The following CLEC19A variants were observed in gnomAD, a reference collection of about 807,000 sequenced individuals.
CLEC19A encodes the protein C-type lectin domain containing 19A, also known as C-type lectin domain family 19 member A.
In CLEC19A, 21 loss-of-function variants were observed where a neutral mutation model predicts 26.1. The observed-to-expected ratio is 0.80, with a 90% CI of 0.57 to 1.16. The LOEUF (loss-of-function observed/expected upper bound fraction) is 1.16, where lower values mean the gene tolerates loss of function less well. CLEC19A is among the 50% of genes most tolerant of loss of function. CLEC19A has a pLI of 0.00. For missense variants in CLEC19A, 224 were observed against 227.6 expected (o/e 0.98, Z 0.10); for synonymous variants, 89 against 88.6 (o/e 1.00, Z -0.03).
At chr16:19,303,328 T>C (rs1897874601) in intron 2 of CLEC19A, among the ~76,000 whole-genome samples, 1 of 152,232 alleles carries the variant, frequency 6.6e-6, no homozygotes, top group African/African-American at 2.4e-5. Flanking sequence ...TACCCATTCA[T>C]CCATTTGTCT....
intron 3 of CLEC19A, among the ~76,000 whole-genome samples, chr16:19,304,602 G>A (rs1241790907): frequency 6.6e-6 from 1 of 152,036 alleles, no homozygotes; most frequent in Non-Finnish European, 1.5e-5. Flanking sequence ...TCAGGAGGCT[G>A]AGGCAGGAGA....
chr16:19,310,741 T>C lies in CLEC19A; in HGVS notation c.*1658T>C, dbSNP rs179232. The C allele has an allele frequency of 0.41, 62,015 of 151,992 alleles. 14,387 individuals are homozygous for C. The highest frequency in any genetic ancestry group is 0.76 in the East Asian group (3,916 of 5,172). The allele number at this position is 151,992 out of a possible 1,614,324, so 9.4% of individuals were successfully genotyped here. A position where few individuals can be genotyped will look rare whatever the true frequency, so the allele number is the denominator to read the frequency against. On this transcript the variant is annotated 3_prime_UTR_variant, in exon 5 of 5. Coordinates refer to ENST00000636231, the MANE Select transcript of CLEC19A (RefSeq NM_001256720.2). ...GAAATATCCAGAATAGGCAAGTCTA[T>C]AGAGATGGAAAGTGGATTAGTGGTT... is the stretch of plus-strand genomic sequence containing the variant.
intron 4 of CLEC19A, among the ~76,000 whole-genome samples, chr16:19,308,091 A>C (rs1897994766): frequency 6.6e-6 from 1 of 152,208 alleles, no homozygotes; most frequent in African/African-American, 2.4e-5. Flanking sequence ...GGTAGTGAGA[A>C]GAGTATAGAC....
intron 3 of CLEC19A, chr16:19,304,363 G>T: frequency 2.4e-6 from 1 of 422,046 alleles, no homozygotes; most frequent in Non-Finnish European, 4.3e-6. Flanking sequence ...CAGATAGCAT[G>T]GTCAGAGAAA....
chr16:19,289,044 T>A, intron 1 of CLEC19A, among the ~76,000 whole-genome samples: 1 of 152,202 alleles, frequency 6.6e-6, no homozygotes, highest in Non-Finnish European at 1.5e-5. Flanking sequence ...AAGTAGGCAC[T>A]ATGATCATGC....
chr16:19,308,921 C>G (rs1349970896), intron 4 of CLEC19A, 83 bp from the exon 5 acceptor site: 1 of 1,122,926 alleles, frequency 8.9e-7, no homozygotes, highest in Admixed American at 2.0e-5. Context: ...TTGGAGATGG[C>G]TTTTACTTCA....
chr16:19,307,728 C>T, intron 4 of CLEC19A, 51 bp downstream of exon 4: 1 of 1,543,096 alleles, frequency 6.5e-7, no homozygotes, highest in South Asian at 1.2e-5. Context: ...GGAGGTGTCA[C>T]AGGTGGGGAG....
At chr16:19,302,092 C>G (rs1382386393) in intron 2 of CLEC19A, among the ~76,000 whole-genome samples, 1 of 152,070 alleles carries the variant, frequency 6.6e-6, no homozygotes, top group Non-Finnish European at 1.5e-5. Context: ...CAAGGCTTGT[C>G]TCACTCTTCC....
rs760770733 is a variant in CLEC19A at position 19,285,958 on chromosome 16, G to A, written c.88+19G>A. On this transcript the variant is annotated intron_variant, in intron 1 of 4. Transcript: ENST00000636231. ...AGTCCAGGTAAGTGCAGGGACCAGGGCTGGGAGCAGGTGGAGAGGAGTACA... is the reference window on the plus strand; with the variant it reads ...AGTCCAGGTAAGTGCAGGGACCAGGACTGGGAGCAGGTGGAGAGGAGTACA... 9 of 1,548,320 alleles carry A rather than the reference G, an allele frequency of 5.8e-6. No homozygotes were observed. The South Asian group carries it at 1.1e-4, about 18-fold the overall frequency.
At chr16:19,295,845 G>C (rs952284946) in intron 1 of CLEC19A, among the ~76,000 whole-genome samples, 11 of 152,188 alleles carry the variant, frequency 7.2e-5, no homozygotes, top group Admixed American at 4.6e-4. Flanking sequence ...GTTGTAGGCA[G>C]TGCTCAAAAG....
chr16:19,285,784 A>T lies in CLEC19A; in HGVS notation c.-68A>T. On this transcript the variant is annotated 5_prime_UTR_variant, in exon 1 of 5. Transcript: ENST00000636231. ...TCTGACCCTAGGAGAGCAATCCTGGACCCAAGCTCCAGCCAAAAAGCCTCT... is the reference window on the plus strand; with the variant it reads ...TCTGACCCTAGGAGAGCAATCCTGGTCCCAAGCTCCAGCCAAAAAGCCTCT... 1 of 1,403,894 alleles carries T rather than the reference A, an allele frequency of 7.1e-7. No individual in the cohort carries two copies. Among genetic ancestry groups the T allele is most frequent in the East Asian group, 2.5e-5 (1 of 40,130 alleles). 87.0% of individuals were successfully genotyped at this position (1,403,894 alleles called of 1,614,324 possible).
In CLEC19A at chr16:19,301,736, G is replaced by GTTTTTTTTTTTTTTTTTT. The variant is rs1171248968; in HGVS notation, c.255-2315_255-2298dup. On this transcript the variant is annotated intron_variant, in intron 2 of 4. Coordinates refer to ENST00000636231, the MANE Select transcript of CLEC19A (RefSeq NM_001256720.2). ...ATGACACCATGCCCAGGTTTTTTTG[G>GTTTTTTTTTTTTTTTTTT]TTTTTTTTTTTTTTTTTTTTTTTTT... Among the ~76,000 whole-genome samples, 56 of 81,484 alleles carry GTTTTTTTTTTTTTTTTTT rather than the reference G, an allele frequency of 6.9e-4. 4 individuals carry two copies. The highest frequency in any genetic ancestry group is 1.2e-3 in the African/African-American group (25 of 20,926). 53.5% of individuals were successfully genotyped at this position (81,484 alleles called of 152,430 possible).
intron 3 of CLEC19A, among the ~76,000 whole-genome samples, chr16:19,306,972 T>C (rs889654676): frequency 6.6e-6 from 1 of 152,230 alleles, no homozygotes; most frequent in East Asian, 1.9e-4. Flanking sequence ...TGTAAAGATG[T>C]AGTTTTTTCC....
chr16:19,287,021 C>CTTTT (rs550913735), intron 1 of CLEC19A, among the ~76,000 whole-genome samples: 15 of 123,138 alleles, frequency 1.2e-4, no homozygotes, highest in East Asian at 2.2e-4. Context: ...AGGTATCCTT[C>CTTTT]TTTTTTTTTT....
intron 2 of CLEC19A, among the ~76,000 whole-genome samples, chr16:19,299,282 C>G (rs1173137291): frequency 6.6e-6 from 1 of 152,230 alleles, no homozygotes. Flanking sequence ...GAAATCATAA[C>G]TGATACTTAT....
chr16:19,286,463 C>G (rs1368319465), intron 1 of CLEC19A, among the ~76,000 whole-genome samples: 5 of 152,170 alleles, frequency 3.3e-5, no homozygotes, highest in African/African-American at 1.2e-4. Flanking sequence ...TCCCTGGAGG[C>G]CTGGCCCAGC....
At chr16:19,297,755 C>T (rs1897735557) in intron 1 of CLEC19A, among the ~76,000 whole-genome samples, 1 of 152,074 alleles carries the variant, frequency 6.6e-6, no homozygotes, top group Non-Finnish European at 1.5e-5. Flanking sequence ...CATATAATCA[C>T]ATTACATTAA....
In CLEC19A at chr16:19,309,292, G is replaced by GT. The variant is rs965171363; in HGVS notation, c.*220dup. ...TCAAATTGGCTTAATTTTTTAAAGT[G>GT]TTTTTTTTTTTAAATTGACCCAAGT... On this transcript the variant is annotated 3_prime_UTR_variant, in exon 5 of 5. Transcript: ENST00000636231. 11,320 of 393,782 alleles carry GT rather than the reference G, an allele frequency of 0.029. 1 individual carries two copies. Among genetic ancestry groups the GT allele is most frequent in the South Asian group, 0.046 (1,279 of 28,096 alleles). The allele number at this position is 393,782 out of a possible 1,614,324, so 24.4% of individuals were successfully genotyped here.
At chr16:19,298,646 C>T in intron 1 of CLEC19A, 27 bp from the exon 2 acceptor site, 1 of 1,549,408 alleles carries the variant, frequency 6.5e-7, no homozygotes, top group South Asian at 1.2e-5. Context: ...CAACCTTCCT[C>T]CCAGTCTGTT....
Sources: allele counts gnomAD v4.1 joint callset (sites outside exome capture counted in the v4.1 genomes callset), GRCh38; gene constraint gnomAD v4.1.1; transcripts MANE v1.5; gene names NCBI Gene and HGNC (gene_info 2026-07-23, HGNC 2026-07-21).